The following UBR2 variants were observed in gnomAD, a reference collection of about 807,000 sequenced individuals.
UBR2 encodes E3 ubiquitin-protein ligase UBR2.
A neutral mutation model predicts 247.9 loss-of-function variants in UBR2; 92 were observed. The observed-to-expected ratio is 0.37, with a 90% confidence interval of 0.31 to 0.44. The LOEUF is 0.44. UBR2 is among the 20% of genes least tolerant of loss of function. The pLI, the probability that UBR2 is intolerant of heterozygous loss-of-function variation, is 1.00. For missense variants in UBR2, 1,613 were observed against 2,112.6 expected, an observed-to-expected ratio of 0.76 and a Z score of 4.64; for synonymous variants, 672 against 693.5, an observed-to-expected ratio of 0.97 and a Z score of 0.49.
At chr6:42,670,586 T>A (rs1034952938) in intron 35 of UBR2, 74 bp from the exon 36 acceptor site, 21 of 1,113,420 alleles carry the variant, frequency 1.9e-5, no homozygotes, top group Non-Finnish European at 2.5e-5. Context: ...GGGGTTTTTT[T>A]AACCTTTTTA....
rs531940787 is a variant in UBR2 at position 42,642,597 on chromosome 6, G to A, written c.2097+116G>A. The A allele has an allele frequency of 1.3e-5, 10 of 789,330 alleles. No homozygotes were observed. The Admixed American group carries it at 1.7e-4, about 14-fold the overall frequency. The allele number at this position is 789,330 out of a possible 1,614,324, so 48.9% of individuals were successfully genotyped here. A position where few individuals can be genotyped will look rare whatever the true frequency, so the allele number is the denominator to read the frequency against. Reference sequence around the variant, plus strand: ...AAATCTACAACTCCAGCCTAGCCCTGTCTCCTCAGCTCCAAACTCATATGG... The same window carrying A: ...AAATCTACAACTCCAGCCTAGCCCTATCTCCTCAGCTCCAAACTCATATGG... On this transcript the variant is annotated intron_variant, in intron 18 of 46. Coordinates refer to ENST00000372901, the MANE Select transcript of UBR2 (RefSeq NM_001363705.2).
chr6:42,624,698 G>C (rs551165084), intron 11 of UBR2, among the ~76,000 whole-genome samples: 2 of 152,116 alleles, frequency 1.3e-5, no homozygotes, highest in African/African-American at 4.8e-5. Flanking sequence ...AGCATCATTA[G>C]GGTGTGTGCT....
At position 42,683,069 on chromosome 6, in the gene UBR2, G is replaced by A. The variant is rs574726440; in HGVS notation, c.4733G>A (p.Ser1578Asn). 17 of 1,612,670 alleles carry A rather than the reference G, an allele frequency of 1.1e-5. No homozygotes were observed. In the African/African-American group the frequency reaches 2.1e-4, roughly 20 times the overall value. Residue 1578 changes from serine (S) to asparagine (N), a missense_variant, in exon 43 of 47, where the codon AGT becomes AAT. Coordinates refer to ENST00000372901, the MANE Select transcript of UBR2 (RefSeq NM_001363705.2). ...TTACATTAAAGTTGGTGCCGTAACA[G>A]TGAAGTTAAAAGATATCTAGAAGGT... ...NSLIESWCRN[S>N]EVKRYLEGER...
chr6:42,568,819 A>G (rs1280691812), intron 1 of UBR2, among the ~76,000 whole-genome samples: 1 of 152,138 alleles, frequency 6.6e-6, no homozygotes, highest in African/African-American at 2.4e-5. Context: ...AGTGTTTTGG[A>G]TTTTGGATTT....
At chr6:42,574,994 G>A (rs980470012) in intron 2 of UBR2, among the ~76,000 whole-genome samples, 10 of 152,128 alleles carry the variant, frequency 6.6e-5, no homozygotes, top group African/African-American at 2.4e-4. Flanking sequence ...CACTGTACCC[G>A]GCCTCTTTCA....
intron 6 of UBR2, among the ~76,000 whole-genome samples, chr6:42,606,135 C>CAGG (rs1793684319): frequency 1.3e-5 from 2 of 151,716 alleles, no homozygotes; most frequent in Admixed American, 1.3e-4. Flanking sequence ...CCCAGCTACT[C>CAGG]AGGAGGCTGA....
At chr6:42,653,842 C>T (rs2151968423) in intron 25 of UBR2, among the ~76,000 whole-genome samples, 1 of 152,106 alleles carries the variant, frequency 6.6e-6, no homozygotes, top group Admixed American at 6.5e-5. Flanking sequence ...GTCTCGAACT[C>T]CCAGCGTCAG....
Position 42,620,481 on chromosome 6 carries a change from G to GTTTTTT in UBR2, c.1281+2981_1281+2986dup, listed in dbSNP as rs796314344. ...GTTTACTTCCTGAATATTAAGTGTT[G>GTTTTTT]TTTTTTTTTTTTGTTTTTGTTTTTG... On this transcript the variant is annotated intron_variant, in intron 11 of 46. Transcript: ENST00000372901. 116 of 66,614 alleles carry GTTTTTT rather than the reference G, an allele frequency of 1.7e-3. 3 individuals carry two copies. The highest frequency in any genetic ancestry group is 4.1e-3 in the African/African-American group (111 of 26,818). 4.1% of individuals were successfully genotyped at this position (66,614 alleles called of 1,614,324 possible).
intron 2 of UBR2, among the ~76,000 whole-genome samples, chr6:42,589,123 T>C (rs1669438714): frequency 6.6e-6 from 1 of 152,136 alleles, no homozygotes; most frequent in South Asian, 2.1e-4. Flanking sequence ...CACACCACTG[T>C]GCCTAGCTAA....
chr6:42,634,363 T>A (rs1438549278), intron 13 of UBR2: 1 of 244,560 alleles, frequency 4.1e-6, no homozygotes, highest in Non-Finnish European at 8.4e-6. Flanking sequence ...AGTACTATTA[T>A]GATTTCTTTA....
chr6:42,660,485 A>G (rs2151974588), intron 30 of UBR2, among the ~76,000 whole-genome samples: 1 of 152,224 alleles, frequency 6.6e-6, no homozygotes. Context: ...CTTCAGCGAT[A>G]CCCAGTAAAC....
intron 2 of UBR2, among the ~76,000 whole-genome samples, chr6:42,586,191 C>G (rs1792245100): frequency 6.6e-6 from 1 of 151,556 alleles, no homozygotes; most frequent in South Asian, 2.1e-4. Context: ...ATGTCGAAAC[C>G]CCATCTCTAC....
chr6:42,597,542 A>G (rs541192358), intron 4 of UBR2, among the ~76,000 whole-genome samples: 1 of 151,680 alleles, frequency 6.6e-6, no homozygotes, highest in African/African-American at 2.4e-5. Flanking sequence ...GGATGCAGTG[A>G]GCCATGATTG....
chr6:42,684,789 T>C lies in UBR2; in HGVS notation c.4776-5T>C. The C allele has an allele frequency of 3.1e-6, 5 of 1,602,566 alleles. No homozygotes were observed. Among genetic ancestry groups the C allele is most frequent in the Non-Finnish European group, 4.3e-6 (5 of 1,174,252 alleles). On this transcript the variant is annotated splice_region_variant and splice_polypyrimidine_tract_variant and intron_variant, in intron 43 of 46. Coordinates refer to ENST00000372901, the MANE Select transcript of UBR2 (RefSeq NM_001363705.2). ...AGTGTTCTTTAATTTTTCTCTTTTT[T>C]TCAGATATCCAAGAGAATCTAACAA...
At position 42,676,811 on chromosome 6, in the gene UBR2, C is replaced by A; in HGVS notation, c.4416C>A (p.Pro1472=). 6.2e-7 allele frequency: 1 copy of A among 1,613,920 alleles called. No homozygotes were observed. The highest frequency in any genetic ancestry group is 1.7e-5 in the Admixed American group (1 of 60,006). ...AGAATGGCATGGATCAAGAAAATCC[C>A]CCTTGTGAAGAAGAATCAGCAGTTC... is the stretch of plus-strand genomic sequence containing the variant. The part of the protein sequence containing the change: ...TEENGMDQEN[P]PCEEESAVLA... Residue 1472 remains proline, a synonymous_variant, in exon 40 of 47, where the codon CCC becomes CCA. Coordinates refer to ENST00000372901, the MANE Select transcript of UBR2 (RefSeq NM_001363705.2).
chr6:42,636,689 G>A (rs1189593905), intron 14 of UBR2, among the ~76,000 whole-genome samples: 1 of 152,164 alleles, frequency 6.6e-6, no homozygotes, highest in Admixed American at 6.5e-5. Flanking sequence ...CAATGCCTTG[G>A]AGTTACTAGA....
At chr6:42,589,723 A>T (rs753260905) in intron 2 of UBR2, among the ~76,000 whole-genome samples, 1 of 152,166 alleles carries the variant, frequency 6.6e-6, no homozygotes, top group African/African-American at 2.4e-5. Flanking sequence ...TTTTTGAAGG[A>T]TATTTTTCCT....
At chr6:42,679,872 C>A in intron 42 of UBR2, 40 bp downstream of exon 42, 1 of 1,434,722 alleles carries the variant, frequency 7.0e-7, no homozygotes. Flanking sequence ...TTAAATAGCT[C>A]TATGGAACCA....
intron 22 of UBR2, among the ~76,000 whole-genome samples, chr6:42,649,044 C>T (rs1156438071): frequency 1.3e-5 from 2 of 152,104 alleles, no homozygotes; most frequent in African/African-American, 2.4e-5. Context: ...GCCTGGGTAA[C>T]AAAGCGAGAC....
Sources: gnomAD v4.1 joint callset for allele counts (sites outside exome capture counted in the v4.1 genomes callset) on GRCh38, gnomAD v4.1.1 for gene constraint, MANE v1.5 for transcripts, NCBI Gene and HGNC (gene_info 2026-07-23, HGNC 2026-07-21) for gene names.